The following TMEM132C variants were observed in gnomAD, a reference collection of about 807,000 sequenced individuals.
The protein encoded by TMEM132C is protein phosphatase 1, regulatory subunit 152.
In TMEM132C, 29 loss-of-function variants were observed where a neutral mutation model predicts 61.4. That is an observed-to-expected ratio of 0.47 (90% CI 0.35 to 0.64). The LOEUF is 0.64. Ranked by LOEUF, TMEM132C falls within the 30% of genes least tolerant of loss-of-function variation. The pLI, the probability that TMEM132C is intolerant of heterozygous loss-of-function variation, is 0.00. For missense variants in TMEM132C, 1,408 were observed against 1,476.9 expected (o/e 0.95, Z 0.76); for synonymous variants, 656 against 633.1 (o/e 1.04, Z -0.54).
At chr12:128,538,058 A>C (rs1457084104) in intron 2 of TMEM132C, among the ~76,000 whole-genome samples, 2 of 151,962 alleles carry the variant, frequency 1.3e-5, no homozygotes, top group African/African-American at 4.8e-5. Flanking sequence ...AGCTTCCCCC[A>C]TAGCTGGGAC....
At chr12:128,599,169 C>A (rs572234103) in intron 3 of TMEM132C, among the ~76,000 whole-genome samples, 2 of 152,254 alleles carry the variant, frequency 1.3e-5, no homozygotes, top group East Asian at 3.9e-4. Context: ...CCAGTGAATT[C>A]ACCCCTGGGG....
rs2135656702 is a variant in TMEM132C at position 128,697,352 on chromosome 12, A to G, written c.2058A>G (p.Ala686=). The G allele has an allele frequency of 6.4e-7, 1 of 1,551,236 alleles. No homozygotes were observed. The highest frequency in any genetic ancestry group is 8.7e-7 in the Non-Finnish European group (1 of 1,146,674). Residue 686 remains alanine, a synonymous_variant, in exon 8 of 9, where the codon GCA becomes GCG. Transcript: ENST00000435159. ...AGLSVALYPN[A]ENSKAVTAVV... ...TGTCTGTCGCCCTTTACCCCAACGCAGAAAACAGCAAGGCCGTAACAGCTG... is the reference window on the plus strand; with the variant it reads ...TGTCTGTCGCCCTTTACCCCAACGCGGAAAACAGCAAGGCCGTAACAGCTG...
At chr12:128,548,590 C>T (rs1336339044) in intron 3 of TMEM132C, among the ~76,000 whole-genome samples, 2 of 152,068 alleles carry the variant, frequency 1.3e-5, no homozygotes, top group East Asian at 3.9e-4. Flanking sequence ...CTACCAAGTC[C>T]CTTTGACTTA....
chr12:128,400,996 G>A (rs886217550), intron 1 of TMEM132C, among the ~76,000 whole-genome samples: 3 of 152,096 alleles, frequency 2.0e-5, no homozygotes, highest in South Asian at 2.1e-4. Flanking sequence ...TGAGAATCAC[G>A]GGTTTAGGCC....
chr12:128,684,972 C>CGAGAG (rs1954663033), intron 5 of TMEM132C, among the ~76,000 whole-genome samples: 1 of 152,066 alleles, frequency 6.6e-6, no homozygotes, highest in Non-Finnish European at 1.5e-5. Flanking sequence ...GTACCGGCAA[C>CGAGAG]GAGAGGAAAG....
intron 2 of TMEM132C, among the ~76,000 whole-genome samples, chr12:128,485,122 A>C (rs1252820815): frequency 1.3e-5 from 2 of 152,168 alleles, no homozygotes; most frequent in African/African-American, 4.8e-5. Context: ...GCCCATCTGA[A>C]ATGATGCTGG....
At chr12:128,479,421 T>C (rs1186511480) in intron 2 of TMEM132C, among the ~76,000 whole-genome samples, 1 of 152,224 alleles carries the variant, frequency 6.6e-6, no homozygotes, top group East Asian at 1.9e-4. Context: ...GTCTGGCAAG[T>C]CAGCTGCTTT....
intron 1 of TMEM132C, among the ~76,000 whole-genome samples, chr12:128,367,400 C>G (rs1301265999): frequency 6.6e-6 from 1 of 152,202 alleles, no homozygotes; most frequent in Non-Finnish European, 1.5e-5. Context: ...AATAGCTTTT[C>G]TGGTGAGGTG....
intron 8 of TMEM132C, among the ~76,000 whole-genome samples, chr12:128,699,371 G>C (rs928632982): frequency 6.6e-6 from 1 of 152,178 alleles, no homozygotes; most frequent in African/African-American, 2.4e-5. Flanking sequence ...TTCTTACCAG[G>C]ATGCTCTGAG....
rs374523590 is a variant in TMEM132C at position 128,527,212 on chromosome 12, C to A, written c.975-16745C>A. ...TGTCCAGAATTGCACCCCAACATGA[C>A]AAGAACAAAAGAAAGATGAATTCCT... On this transcript the variant is annotated intron_variant, in intron 2 of 8. Coordinates refer to ENST00000435159, the MANE Select transcript of TMEM132C (RefSeq NM_001136103.3). Among the ~76,000 whole-genome samples the A allele has an allele frequency of 5.3e-5, 8 of 152,290 alleles. No homozygotes were observed. In the East Asian group the frequency reaches 9.7e-4, roughly 18 times the overall value.
intron 1 of TMEM132C, among the ~76,000 whole-genome samples, chr12:128,343,811 A>T (rs1873058363): frequency 6.6e-6 from 1 of 152,150 alleles, no homozygotes; most frequent in Non-Finnish European, 1.5e-5. Flanking sequence ...GTCTCTATGG[A>T]TTTGCCTATT....
At chr12:128,702,370 A>T (rs1954810200) in intron 8 of TMEM132C, among the ~76,000 whole-genome samples, 1 of 152,002 alleles carries the variant, frequency 6.6e-6, no homozygotes, top group Non-Finnish European at 1.5e-5. Context: ...GAAATGTATT[A>T]TTATGAAATG....
In TMEM132C at chr12:128,278,570, T is replaced by G. The variant is rs1051539640; in HGVS notation, c.85+11083T>G. 2.0e-5 allele frequency among the ~76,000 whole-genome samples: 3 copies of G among 152,084 alleles called. No homozygotes were observed. Among genetic ancestry groups the G allele is most frequent in the African/African-American group, 7.2e-5 (3 of 41,414 alleles). On this transcript the variant is annotated intron_variant, in intron 1 of 8. Transcript: ENST00000435159. The surrounding 1 kb of genome is among the most constrained non-coding windows in gnomAD (Gnocchi z 4.2). ...AGCTGGCAGTGGTTTGACTGTGTGG[T>G]TGCCTGTTAGTTCTGGGTGGGAAGG...
chr12:128,654,369 G>T (rs1954302776), intron 4 of TMEM132C, among the ~76,000 whole-genome samples: 3 of 152,234 alleles, frequency 2.0e-5, no homozygotes, highest in Admixed American at 6.5e-5. Context: ...GAAGGATCCT[G>T]CCCTGCAGCC....
At chr12:128,678,761 A>T (rs1232443109) in intron 5 of TMEM132C, among the ~76,000 whole-genome samples, 2 of 152,162 alleles carry the variant, frequency 1.3e-5, no homozygotes, top group East Asian at 3.8e-4. Context: ...ACATCCTGCG[A>T]TTCCAGGACA....
chr12:128,611,683 A>G (rs926176670), intron 3 of TMEM132C, among the ~76,000 whole-genome samples: 6 of 152,254 alleles, frequency 3.9e-5, no homozygotes, highest in Non-Finnish European at 8.8e-5. Flanking sequence ...GAGGCAGGAA[A>G]CTGAGAGTCA....
chr12:128,376,586 C>T (rs759919547), intron 1 of TMEM132C, among the ~76,000 whole-genome samples: 4 of 152,178 alleles, frequency 2.6e-5, no homozygotes, highest in Non-Finnish European at 5.9e-5. Context: ...TGGATGCCAA[C>T]ATGTGATGAC....
chr12:128,617,077 A>G (rs983229204), intron 4 of TMEM132C, among the ~76,000 whole-genome samples: 10 of 152,218 alleles, frequency 6.6e-5, no homozygotes, highest in African/African-American at 2.2e-4. Context: ...TTTCTCAAAC[A>G]TTATCGGGCA....
Position 128,627,976 on chromosome 12 carries a change from G to A in TMEM132C, c.1305+11641G>A, listed in dbSNP as rs1049889554. 3.9e-5 allele frequency among the ~76,000 whole-genome samples: 6 copies of A among 152,176 alleles called. 1 individual carries two copies. Among genetic ancestry groups the A allele is most frequent in the Non-Finnish European group, 8.8e-5 (6 of 68,032 alleles). ...AGGTGTAGGTGCAGGTGCAGGTGCAGGTTCAGGTGCAGGTGCAGAATCCTG... is the reference window on the plus strand; with the variant it reads ...AGGTGTAGGTGCAGGTGCAGGTGCAAGTTCAGGTGCAGGTGCAGAATCCTG... On this transcript the variant is annotated intron_variant, in intron 4 of 8. Transcript: ENST00000435159.
Sources: gnomAD v4.1 joint callset for allele counts (sites outside exome capture counted in the v4.1 genomes callset) on GRCh38, gnomAD v4.1.1 for gene constraint, Gnocchi (gnomAD v3.1) non-coding constraint, MANE v1.5 for transcripts, NCBI Gene and HGNC (gene_info 2026-07-23, HGNC 2026-07-21) for gene names.